MGAT4A: variants seen among roughly 807,000 people sequenced by gnomAD.
MGAT4A encodes alpha-1,3-mannosyl-glycoprotein 4-beta-N-acetylglucosaminyltransferase A, also known as N-acetylglucosaminyltransferase IVa.
In MGAT4A, 33 loss-of-function variants were observed where a neutral mutation model predicts 74.1. That is an observed-to-expected ratio of 0.45 (90% confidence interval 0.34 to 0.60). The LOEUF is 0.60. MGAT4A is among the 20% of genes least tolerant of loss of function. The pLI is 0.02. For missense variants in MGAT4A, 479 were observed against 628.3 expected (o/e 0.76, Z 2.54); for synonymous variants, 198 against 210.4 (o/e 0.94, Z 0.51).
At chr2:98,625,655 A>C in intron 15 of MGAT4A, 63 bp from the exon 16 acceptor site, 1 of 1,563,134 alleles carries the variant, frequency 6.4e-7, no homozygotes, top group East Asian at 2.2e-5. Context: ...AAAAGGCCTT[A>C]AATACAAAAT....
chr2:98,685,329 A>G (rs974748586), intron 2 of MGAT4A, among the ~76,000 whole-genome samples: 1 of 152,122 alleles, frequency 6.6e-6, no homozygotes, highest in Non-Finnish European at 1.5e-5. Context: ...TTTTTTTTAA[A>G]TATGAATGAG....
intron 2 of MGAT4A, among the ~76,000 whole-genome samples, chr2:98,717,378 C>CAAA (rs35974409): frequency 1.1e-5 from 1 of 92,966 alleles, no homozygotes; most frequent in Non-Finnish European, 2.3e-5. Flanking sequence ...GACTCCATCT[C>CAAA]AAAAAAAAAA....
chr2:98,679,988 T>C (rs1178898892), intron 2 of MGAT4A, among the ~76,000 whole-genome samples: 5 of 151,680 alleles, frequency 3.3e-5, no homozygotes, highest in African/African-American at 1.2e-4. Context: ...GCTTCCAACT[T>C]CTATAGCAAG....
chr2:98,708,350 G>A (rs1162528429), intron 2 of MGAT4A, among the ~76,000 whole-genome samples: 1 of 152,112 alleles, frequency 6.6e-6, no homozygotes, highest in East Asian at 1.9e-4. Flanking sequence ...TTACTAATTA[G>A]ATATACTCGC....
At chr2:98,655,645 CAT>C (rs765039065) in intron 7 of MGAT4A, 125 bp from the exon 8 acceptor site, 93 of 581,586 alleles carry the variant, frequency 1.6e-4, no homozygotes, top group Admixed American at 3.3e-4. Context: ...CACACACACA[CAT>C]ACACACACAC....
chr2:98,634,785 T>G (rs1349386207), intron 14 of MGAT4A, among the ~76,000 whole-genome samples: 1 of 149,604 alleles, frequency 6.7e-6, no homozygotes, highest in African/African-American at 2.5e-5. Flanking sequence ...AAGAAATGTG[T>G]GTGTTACAGA....
At chr2:98,719,567 C>T (rs1702636483) in intron 2 of MGAT4A, among the ~76,000 whole-genome samples, 1 of 152,098 alleles carries the variant, frequency 6.6e-6, no homozygotes, top group Non-Finnish European at 1.5e-5. Flanking sequence ...AACCAATACA[C>T]CAAACGGGGA....
chr2:98,661,003 C>T (rs1599828), intron 5 of MGAT4A, among the ~76,000 whole-genome samples: 84,837 of 152,064 alleles, frequency 0.56, 26,607 homozygotes, highest in African/African-American at 0.85. Context: ...GAGAAAATAT[C>T]TGCATGCTGC....
chr2:98,695,504 G>C lies in MGAT4A; in HGVS notation c.95-17033C>G, dbSNP rs114782687. On this transcript the variant is annotated intron_variant, in intron 2 of 15. Transcript: ENST00000393487. The stretch of plus-strand genomic sequence containing the variant: ...GGGGCTGAACACTAAATGCATGCAG[G>C]GTGTTATCCTTCTTCCCTTCAAGAA... 1,204 of 171,668 alleles carry C rather than the reference G, an allele frequency of 7.0e-3. 9 individuals are homozygous for C. The highest frequency in any genetic ancestry group is 0.012 in the Non-Finnish European group (869 of 73,564). The allele number at this position is 171,668 out of a possible 1,614,324, so 10.6% of individuals were successfully genotyped here.
chr2:98,655,618 A>G (rs1701646448), intron 7 of MGAT4A, 98 bp from the exon 8 acceptor site: 5 of 745,058 alleles, frequency 6.7e-6, no homozygotes, highest in Non-Finnish European at 1.1e-5. Flanking sequence ...ATAACATGTC[A>G]TCTATGTATA....
intron 2 of MGAT4A, among the ~76,000 whole-genome samples, chr2:98,687,438 G>A (rs1559169273): frequency 1.3e-5 from 2 of 152,120 alleles, no homozygotes; most frequent in Non-Finnish European, 2.9e-5. Context: ...TAACAAGCGT[G>A]TCCTCTTACT....
At chr2:98,664,193 T>A (rs1283400803) in intron 4 of MGAT4A, among the ~76,000 whole-genome samples, 2 of 59,472 alleles carry the variant, frequency 3.4e-5, no homozygotes, top group Non-Finnish European at 5.7e-5. Context: ...AAAGCAAGAT[T>A]CCATCTCAAA....
At chr2:98,717,100 C>T (rs1702603158) in intron 2 of MGAT4A, among the ~76,000 whole-genome samples, 1 of 152,074 alleles carries the variant, frequency 6.6e-6, no homozygotes. Flanking sequence ...AAAGAAAGGG[C>T]CAGGCATGGT....
chr2:98,679,708 G>C (rs1382974543), intron 2 of MGAT4A, among the ~76,000 whole-genome samples: 2 of 152,152 alleles, frequency 1.3e-5, no homozygotes, highest in African/African-American at 4.8e-5. Context: ...TGAATAATTT[G>C]AGAGAATCAC....
chr2:98,652,842 C>CT (rs1701602011), intron 8 of MGAT4A, among the ~76,000 whole-genome samples: 2 of 151,144 alleles, frequency 1.3e-5, no homozygotes, highest in South Asian at 4.2e-4. Flanking sequence ...GTCTTGAACT[C>CT]TTGAACTCCT....
chr2:98,693,114 C>T (rs1262709237), intron 2 of MGAT4A, among the ~76,000 whole-genome samples: 1 of 152,110 alleles, frequency 6.6e-6, no homozygotes, highest in African/African-American at 2.4e-5. Context: ...GCAAATTTCT[C>T]ATCAGAAACC....
chr2:98,695,723 C>A (rs1702262853), intron 2 of MGAT4A, among the ~76,000 whole-genome samples: 1 of 152,044 alleles, frequency 6.6e-6, no homozygotes, highest in Non-Finnish European at 1.5e-5. Context: ...AGTTTCATTC[C>A]ATATAAACAA....
intron 4 of MGAT4A, among the ~76,000 whole-genome samples, chr2:98,670,773 T>C (rs1701900612): frequency 6.6e-6 from 1 of 152,192 alleles, no homozygotes; most frequent in South Asian, 2.1e-4. Flanking sequence ...GGAAATTAAC[T>C]GCTGGAAAAC....
intron 2 of MGAT4A, among the ~76,000 whole-genome samples, chr2:98,698,843 T>C (rs1306260396): frequency 1.3e-5 from 2 of 152,224 alleles, no homozygotes; most frequent in Non-Finnish European, 2.9e-5. Flanking sequence ...TTCATTGTCT[T>C]CCTGTGAAGT....
Sources: allele counts gnomAD v4.1 joint callset (sites outside exome capture counted in the v4.1 genomes callset), GRCh38; gene constraint gnomAD v4.1.1; transcripts MANE v1.5; gene names NCBI Gene and HGNC (gene_info 2026-07-23, HGNC 2026-07-21).